The following SDCBP variants were observed in gnomAD, a reference collection of about 807,000 sequenced individuals.
SDCBP encodes syntenin-1.
A neutral mutation model predicts 30.5 loss-of-function variants in SDCBP; 22 were observed. That is an observed-to-expected ratio of 0.72 (90% CI 0.52 to 1.03). The LOEUF (loss-of-function observed/expected upper bound fraction) is 1.03. Among genes scored for constraint, SDCBP ranks in the 50% least tolerant of loss-of-function variants. SDCBP has a pLI of 0.00. For synonymous variants in SDCBP, 103 were observed against 118.7 expected, an observed-to-expected ratio of 0.87 and a Z score of 0.86; for missense variants, 304 against 369.9, an observed-to-expected ratio of 0.82 and a Z score of 1.46.
At chr8:58,572,394 C>A (rs1480697643) in intron 4 of SDCBP, 80 bp downstream of exon 4, 1 of 927,880 alleles carries the variant, frequency 1.1e-6, no homozygotes, top group Non-Finnish European at 1.7e-6. Flanking sequence ...TTGTGGCTAA[C>A]TCACAGATAT....
chr8:58,581,403 TTTTC>T (rs1010029705), intron 8 of SDCBP, among the ~76,000 whole-genome samples: 2 of 152,178 alleles, frequency 1.3e-5, no homozygotes, highest in Non-Finnish European at 2.9e-5. Flanking sequence ...AGCCTTGTCA[TTTTC>T]TTTCTGTTTT....
intron 2 of SDCBP, among the ~76,000 whole-genome samples, chr8:58,565,452 C>T (rs1352450366): frequency 6.6e-6 from 1 of 152,016 alleles, no homozygotes; most frequent in Admixed American, 6.5e-5. Context: ...TATGACCACT[C>T]TTTAATTCTA....
intron 1 of SDCBP, among the ~76,000 whole-genome samples, chr8:58,558,142 T>C (rs1439375599): frequency 1.3e-5 from 2 of 152,238 alleles, no homozygotes; most frequent in Admixed American, 1.3e-4. Flanking sequence ...CCTGGAAGGC[T>C]TTTTACACTG....
intron 4 of SDCBP, among the ~76,000 whole-genome samples, chr8:58,575,675 CAG>C (rs1455564146): frequency 2.6e-5 from 4 of 152,102 alleles, no homozygotes; most frequent in African/African-American, 9.7e-5. Flanking sequence ...CAAAGGGCAA[CAG>C]AGAGTCATTG....
At chr8:58,560,018 C>T (rs1804351225) in intron 1 of SDCBP, among the ~76,000 whole-genome samples, 1 of 152,136 alleles carries the variant, frequency 6.6e-6, no homozygotes, top group African/African-American at 2.4e-5. Context: ...TTTTATTTTG[C>T]TTGAATATAA....
Position 58,577,162 on chromosome 8 carries a change from T to C in SDCBP, c.403-871T>C, listed in dbSNP as rs567230033. Reference sequence around the variant, plus strand: ...TAGGTAATAGTTGCAGTGGATTTGTTCACTTGGCCAAAGGGCATTTGTTCA... The same window carrying C: ...TAGGTAATAGTTGCAGTGGATTTGTCCACTTGGCCAAAGGGCATTTGTTCA... On this transcript the variant is annotated intron_variant, in intron 5 of 8. Coordinates refer to ENST00000260130, the MANE Select transcript of SDCBP (RefSeq NM_005625.4). Among the ~76,000 whole-genome samples the C allele has an allele frequency of 3.9e-5, 6 of 152,376 alleles. No individual in the cohort carries two copies. The East Asian group carries it at 1.2e-3, about 29-fold the overall frequency.
At chr8:58,568,477 G>T (rs1038397551) in intron 2 of SDCBP, among the ~76,000 whole-genome samples, 1 of 152,020 alleles carries the variant, frequency 6.6e-6, no homozygotes, top group Non-Finnish European at 1.5e-5. Flanking sequence ...AACTTTTTTT[G>T]TAAGTAGAAG....
chr8:58,580,722 T>A (rs1014166091), intron 8 of SDCBP, 114 bp downstream of exon 8: 1 of 638,922 alleles, frequency 1.6e-6, no homozygotes, highest in Admixed American at 3.2e-5. Context: ...ACTGGTGTTT[T>A]ATCTAGAAAT....
rs556121102 is a variant in SDCBP at position 58,580,850 on chromosome 8, G to T, written c.842+242G>T. Among the ~76,000 whole-genome samples, 11 of 152,270 alleles carry T rather than the reference G, an allele frequency of 7.2e-5. No homozygotes were observed. In the East Asian group the frequency reaches 2.1e-3, roughly 30 times the overall value. On this transcript the variant is annotated intron_variant, in intron 8 of 8. Coordinates refer to ENST00000260130, the MANE Select transcript of SDCBP (RefSeq NM_005625.4). ...TTTTATAATGCCTGGTAGAAAAAAG[G>T]TATGCAAGGAGAAGTGGGCATGCTT...
At position 58,572,273 on chromosome 8, in the gene SDCBP, C is replaced by T. The variant is rs144425100; in HGVS notation, c.199C>T (p.Arg67Cys). The T allele has an allele frequency of 2.5e-5, 41 of 1,612,312 alleles. No homozygotes were observed. Among genetic ancestry groups the T allele is most frequent in the African/African-American group, 1.9e-4 (14 of 74,988 alleles). Residue 67 changes from arginine (R) to cysteine (C), a missense_variant, in exon 4 of 9, where the codon CGT (arginine) becomes TGT (cysteine). Transcript: ENST00000260130. ...GCTGAGTTTAAATGAAGAAGAAATA[C>T]GTGCAAATGTGGCCGTGGTTTCTGG... ...MGLSLNEEEIRANVAVVSGAP... is the reference protein window; with the variant it reads ...MGLSLNEEEICANVAVVSGAP...
Position 58,575,917 on chromosome 8 carries a change from T to C in SDCBP, c.258T>C (p.Pro86=), listed in dbSNP as rs1318937776. ...APLQGQLVAR[P]SSINYMVAPV... The stretch of plus-strand genomic sequence containing the variant: ...TTTGTCAGCAGTTGGTAGCAAGACC[T>C]TCCAGTATAAACTATATGGTGGCTC... Residue 86 remains proline (P), a synonymous_variant, in exon 5 of 9, where the codon CCT becomes CCC. Coordinates refer to ENST00000260130, the MANE Select transcript of SDCBP (RefSeq NM_005625.4). 33 of 1,612,852 alleles carry C rather than the reference T, an allele frequency of 2.0e-5. No individual in the cohort carries two copies. The highest frequency in any genetic ancestry group is 2.8e-5 in the Non-Finnish European group (33 of 1,179,136).
At position 58,570,933 on chromosome 8, in the gene SDCBP, C is replaced by A. The variant is rs868513290; in HGVS notation, c.98C>A (p.Ser33Ter). ...AACCCTGCCAATCCAGCAATTTTGT[C>A]AGAAGCTTCTGCTCCTATCCCTCAC... is the stretch of plus-strand genomic sequence containing the variant. ...SANPANPAIL[S>*]EASAPIPHDG... Residue 33 changes from serine (S) to a stop codon, truncating the protein, a stop_gained, in exon 3 of 9, where the codon TCA becomes TAA. Transcript: ENST00000260130. LOFTEE classifies it high-confidence loss of function. 1.2e-6 allele frequency: 2 copies of A among 1,613,178 alleles called. No homozygotes were observed. Among genetic ancestry groups the A allele is most frequent in the Non-Finnish European group, 1.7e-6 (2 of 1,179,478 alleles).
rs1181599207 is a variant in SDCBP at position 58,575,921 on chromosome 8, A to G, written c.262A>G (p.Ser88Gly). The change falls in exon 5 of 9, where the codon AGT becomes GGT. Residue 88 changes from serine (S) to glycine (G), a missense_variant. Coordinates refer to ENST00000260130, the MANE Select transcript of SDCBP (RefSeq NM_005625.4). The stretch of plus-strand genomic sequence containing the variant: ...TCAGCAGTTGGTAGCAAGACCTTCC[A>G]GTATAAACTATATGGTGGCTCCTGT... ...LQGQLVARPS[S>G]INYMVAPVTG... The G allele has an allele frequency of 3.7e-6, 6 of 1,612,940 alleles. No homozygotes were observed. The highest frequency in any genetic ancestry group is 1.6e-4 in the Middle Eastern group (1 of 6,072).
intron 2 of SDCBP, among the ~76,000 whole-genome samples, chr8:58,568,509 C>T (rs1295344074): frequency 2.0e-5 from 3 of 152,106 alleles, no homozygotes; most frequent in African/African-American, 7.2e-5. Flanking sequence ...AAGGGTATAA[C>T]ACAGGAAATA....
At chr8:58,569,406 C>T (rs1421176203) in intron 2 of SDCBP, among the ~76,000 whole-genome samples, 1 of 152,140 alleles carries the variant, frequency 6.6e-6, no homozygotes, top group Non-Finnish European at 1.5e-5. Flanking sequence ...TCCTATGTTG[C>T]CCAGGCTGGT....
chr8:58,575,628 C>T (rs201492432), intron 4 of SDCBP, among the ~76,000 whole-genome samples: 5 of 152,060 alleles, frequency 3.3e-5, no homozygotes, highest in Admixed American at 2.0e-4. Context: ...GAGATGAAGA[C>T]AAGCCAGTAT....
chr8:58,571,217 T>C (rs1025886789), intron 3 of SDCBP, among the ~76,000 whole-genome samples: 3 of 152,224 alleles, frequency 2.0e-5, no homozygotes, highest in African/African-American at 7.2e-5. Flanking sequence ...TGTAAATCCC[T>C]AACGTGGCTG....
intron 7 of SDCBP, 47 bp downstream of exon 7, chr8:58,579,841 G>A (rs368762356): frequency 7.5e-5 from 115 of 1,525,530 alleles, no homozygotes; most frequent in Non-Finnish European, 9.8e-5. Context: ...TTTAGAAAAT[G>A]TCTGTCTTTT....
chr8:58,580,418 A>G, intron 7 of SDCBP, 99 bp from the exon 8 acceptor site: 1 of 653,718 alleles, frequency 1.5e-6, no homozygotes, highest in Non-Finnish European at 2.7e-6. Context: ...TAGAAATACC[A>G]AGACATATAT....
Sources: allele counts gnomAD v4.1 joint callset (sites outside exome capture counted in the v4.1 genomes callset), GRCh38; gene constraint gnomAD v4.1.1; transcripts MANE v1.5; gene names NCBI Gene and HGNC (gene_info 2026-07-23, HGNC 2026-07-21).